The following SYT7 variants were observed in gnomAD, a reference collection of about 807,000 sequenced individuals.
SYT7 encodes the protein synaptotagmin-7.
SYT7 carries 29 observed loss-of-function variants against 75.1 expected under a neutral mutation model. The ratio of observed to expected loss-of-function variants is 0.39; its 90% CI spans 0.29 to 0.53. SYT7 has a LOEUF of 0.53. Ranked by LOEUF, SYT7 falls within the 20% of genes least tolerant of loss-of-function variation. SYT7 has a pLI of 0.77. For synonymous variants in SYT7, 376 were observed against 401.7 expected (o/e 0.94, Z 0.76); for missense variants, 693 against 953.2 (o/e 0.73, Z 3.59).
At chr11:61,550,633 G>A (rs2063320989) in intron 3 of SYT7, among the ~76,000 whole-genome samples, 1 of 152,160 alleles carries the variant, frequency 6.6e-6, no homozygotes, top group African/African-American at 2.4e-5. Flanking sequence ...TGGCCAGTGG[G>A]CACAGAGGCC....
intron 2 of SYT7, among the ~76,000 whole-genome samples, chr11:61,552,554 A>C (rs945385083): frequency 1.3e-5 from 2 of 152,162 alleles, no homozygotes; most frequent in Non-Finnish European, 2.9e-5. Flanking sequence ...CACAGCCACA[A>C]CAGTCAATTA....
intron 1 of SYT7, among the ~76,000 whole-genome samples, chr11:61,568,108 A>G (rs1296346705): frequency 6.6e-6 from 1 of 152,148 alleles, no homozygotes; most frequent in Admixed American, 6.5e-5. Context: ...CCCCACCCAA[A>G]CAAGAACTTT....
chr11:61,584,199 C>T (rs1329261281), upstream of SYT7, among the ~76,000 whole-genome samples: 4 of 151,932 alleles, frequency 2.6e-5, no homozygotes, highest in Non-Finnish European at 4.4e-5. Context: ...ACTAGCCTGA[C>T]CAACATGGTG....
At chr11:61,527,645 G>T (rs923278618) in intron 9 of SYT7, among the ~76,000 whole-genome samples, 1 of 152,204 alleles carries the variant, frequency 6.6e-6, no homozygotes, top group Non-Finnish European at 1.5e-5. Flanking sequence ...CCTGTGACCT[G>T]ATCCCAACTA....
the SYT7 span, among the ~76,000 whole-genome samples, chr11:61,587,915 T>C: frequency 2.0e-5 from 3 of 147,002 alleles, no homozygotes; most frequent in African/African-American, 7.6e-5. Context: ...AGGGGGACGG[T>C]ACACAGATGG....
At chr11:61,544,799 G>A (rs2063139467) in intron 5 of SYT7, among the ~76,000 whole-genome samples, 1 of 152,176 alleles carries the variant, frequency 6.6e-6, no homozygotes, top group Non-Finnish European at 1.5e-5. Context: ...GGGGTGTGTG[G>A]CTTCCCTGTG....
At chr11:61,564,207 C>T (rs978819241) in intron 1 of SYT7, among the ~76,000 whole-genome samples, 2 of 152,188 alleles carry the variant, frequency 1.3e-5, no homozygotes, top group Admixed American at 6.5e-5. Context: ...GAATCTGTGC[C>T]TATAGGCTCT....
Position 61,523,311 on chromosome 11 carries a change from G to T in SYT7, c.1757-37C>A, listed in dbSNP as rs199608170. 2 of 1,589,326 alleles carry T rather than the reference G, an allele frequency of 1.3e-6. No homozygotes were observed. Among genetic ancestry groups the T allele is most frequent in the Non-Finnish European group, 1.7e-6 (2 of 1,157,754 alleles). On this transcript the variant is annotated intron_variant, in intron 11 of 12. Transcript: ENST00000539008. The surrounding 1 kb of genome is among the most constrained non-coding windows in gnomAD (Gnocchi z 5.0). ...AGTGGGGAAGGGTTAGAGGGACCGT[G>T]GGGGAGGGACTTCCTAGGATCCTTT...
chr11:61,552,472 G>GCACACACA (rs1006248748), intron 2 of SYT7, among the ~76,000 whole-genome samples: 2 of 137,460 alleles, frequency 1.5e-5, no homozygotes, highest in South Asian at 4.2e-4. Context: ...ACACACACAT[G>GCACACACA]CACACACACA....
At chr11:61,573,966 T>C (rs1478318573) in intron 1 of SYT7, among the ~76,000 whole-genome samples, 1 of 152,266 alleles carries the variant, frequency 6.6e-6, no homozygotes, top group Non-Finnish European at 1.5e-5. Context: ...CGCTAACGCA[T>C]GTTATGTGCT....
At chr11:61,520,850 G>A (rs930520952) in intron 12 of SYT7, among the ~76,000 whole-genome samples, 8 of 152,086 alleles carry the variant, frequency 5.3e-5, no homozygotes, top group Admixed American at 4.6e-4. Flanking sequence ...GAAACAAAAC[G>A]AAAAGGATGG....
In SYT7 at chr11:61,553,754, G is replaced by A. The variant is rs566976965; in HGVS notation, c.136-2291C>T. 2.6e-5 allele frequency among the ~76,000 whole-genome samples: 4 copies of A among 152,286 alleles called. No individual in the cohort carries two copies. Among genetic ancestry groups the A allele is most frequent in the Admixed American group, 6.5e-5 (1 of 15,306 alleles). ...CAGGGAGGGGTGGCCAGGCTGATCC[G>A]GAAAAAGCCAGCTGGAGATTAAGGA... On this transcript the variant is annotated intron_variant, in intron 2 of 12. Transcript: ENST00000539008. The surrounding 1 kb of genome is among the most constrained non-coding windows in gnomAD (Gnocchi z 5.2).
upstream of SYT7, among the ~76,000 whole-genome samples, chr11:61,584,331 G>C (rs1474375642): frequency 1.3e-5 from 2 of 148,614 alleles, no homozygotes; most frequent in East Asian, 4.0e-4. Flanking sequence ...GGAGGTGGAG[G>C]TTGCAGTGAG....
chr11:61,554,449 GAC>G (rs942736616), intron 2 of SYT7, among the ~76,000 whole-genome samples: 1 of 151,370 alleles, frequency 6.6e-6, no homozygotes, highest in Non-Finnish European at 1.5e-5. Context: ...CAGACAGACA[GAC>G]ACACACACAC....
intron 6 of SYT7, chr11:61,541,350 A>G: frequency 1.0e-6 from 1 of 968,846 alleles, no homozygotes; most frequent in Non-Finnish European, 1.2e-6. Flanking sequence ...TGGGGATGGC[A>G]GCCCAGACCT....
intron 9 of SYT7, among the ~76,000 whole-genome samples, chr11:61,525,109 C>T (rs1462019999): frequency 6.6e-6 from 1 of 152,222 alleles, no homozygotes; most frequent in Non-Finnish European, 1.5e-5. Context: ...CCCTTCTCTA[C>T]TGCCACCTCC....
chr11:61,519,424 T>C (rs1403670784), intron 12 of SYT7, among the ~76,000 whole-genome samples: 1 of 152,106 alleles, frequency 6.6e-6, no homozygotes, highest in Non-Finnish European at 1.5e-5. Context: ...GTATGAGCAT[T>C]GGAGAAAAAA....
At position 61,553,236 on chromosome 11, in the gene SYT7, C is replaced by T. The variant is rs144498092; in HGVS notation, c.136-1773G>A. ...CAGTTCCAACTGGGAAGATCCTATGCGGCTGTGCCACAGTGACCTCAGGCC... is the reference window on the plus strand; with the variant it reads ...CAGTTCCAACTGGGAAGATCCTATGTGGCTGTGCCACAGTGACCTCAGGCC... On this transcript the variant is annotated intron_variant, in intron 2 of 12. Transcript: ENST00000539008. The surrounding 1 kb of genome is among the most constrained non-coding windows in gnomAD (Gnocchi z 5.2). Among the ~76,000 whole-genome samples the T allele has an allele frequency of 2.0e-3, 298 of 152,368 alleles. 1 individual carries two copies. The highest frequency in any genetic ancestry group is 6.9e-3 in the African/African-American group (288 of 41,594).
Position 61,523,903 on chromosome 11 carries a change from G to T in SYT7, c.1680C>A (p.Asn560Lys), listed in dbSNP as rs1185128435. Residue 560 changes from asparagine (N) to lysine (K), a missense_variant, in exon 11 of 13, where the codon AAC becomes AAA. Physicochemically the swap from Asn to Lys is moderately conservative, Grantham distance 94. Transcript: ENST00000539008. The surrounding 1 kb of genome is among the most constrained non-coding windows in gnomAD (Gnocchi z 5.0). ...TCACGATGATGGAGTTGGCAGAGGG[G>T]TTGTAGCAGAGAGACAAGAGCAGCT... ...RGELLLSLCY[N>K]PSANSIIVNI... 4 of 1,614,092 alleles carry T rather than the reference G, an allele frequency of 2.5e-6. No homozygotes were observed. Among genetic ancestry groups the T allele is most frequent in the Non-Finnish European group, 3.4e-6 (4 of 1,179,972 alleles).
Sources: gnomAD v4.1 joint callset for allele counts (sites outside exome capture counted in the v4.1 genomes callset) on GRCh38, gnomAD v4.1.1 for gene constraint, Gnocchi (gnomAD v3.1) non-coding constraint, MANE v1.5 for transcripts, NCBI Gene and HGNC (gene_info 2026-07-23, HGNC 2026-07-21) for gene names.